The following KIF6 variants were observed in gnomAD, a reference collection of about 807,000 sequenced individuals.
KIF6 encodes kinesin family member 6.
In KIF6, 106 loss-of-function variants were observed where a neutral mutation model predicts 112.7. That is an observed-to-expected ratio of 0.94 (90% CI 0.80 to 1.11). KIF6 has a LOEUF of 1.11. KIF6 is among the 50% of genes least tolerant of loss of function. KIF6 has a pLI of 0.00. For missense variants in KIF6, 929 were observed against 964.0 expected (o/e 0.96, Z 0.48); for synonymous variants, 339 against 339.9 (o/e 1.00, Z 0.03).
intron 3 of KIF6, among the ~76,000 whole-genome samples, chr6:39,702,055 A>C (rs775006384): frequency 1.3e-5 from 2 of 152,222 alleles, no homozygotes; most frequent in Non-Finnish European, 2.9e-5. Flanking sequence ...ATATGAGGGC[A>C]TGTGGAAATG....
chr6:39,611,173 T>C (rs1783195471), intron 6 of KIF6, among the ~76,000 whole-genome samples: 1 of 152,038 alleles, frequency 6.6e-6, no homozygotes, highest in Admixed American at 6.6e-5. Context: ...CCAGGTGTGG[T>C]GGCGCATGAC....
At chr6:39,677,039 A>T (rs1049892516) in intron 3 of KIF6, among the ~76,000 whole-genome samples, 5 of 152,080 alleles carry the variant, frequency 3.3e-5, no homozygotes, top group Non-Finnish European at 7.4e-5. Context: ...TATATATCCC[A>T]CTTAGTGTAA....
At chr6:39,487,303 C>T (rs574063622) in intron 13 of KIF6, among the ~76,000 whole-genome samples, 1 of 152,322 alleles carries the variant, frequency 6.6e-6, no homozygotes, top group East Asian at 1.9e-4. Context: ...GCTGCTGGGA[C>T]TGCTGCTGGC....
intron 3 of KIF6, among the ~76,000 whole-genome samples, chr6:39,713,646 C>T (rs780852351): frequency 1.1e-4 from 16 of 152,082 alleles, no homozygotes; most frequent in African/African-American, 2.2e-4. Context: ...CAAATGATTA[C>T]TAAAAAGAAG....
intron 5 of KIF6, among the ~76,000 whole-genome samples, chr6:39,624,202 G>C (rs1042266386): frequency 6.6e-6 from 1 of 152,160 alleles, no homozygotes. Context: ...GGTGTTTCAT[G>C]TGTATACCCC....
intron 5 of KIF6, among the ~76,000 whole-genome samples, chr6:39,628,256 G>A (rs569654676): frequency 1.3e-5 from 2 of 152,130 alleles, no homozygotes; most frequent in South Asian, 2.1e-4. Context: ...GTGTGTGTGT[G>A]TGTGTGTGTG....
At chr6:39,503,084 A>C (rs916846755) in intron 13 of KIF6, among the ~76,000 whole-genome samples, 1 of 152,124 alleles carries the variant, frequency 6.6e-6, no homozygotes, top group Admixed American at 6.6e-5. Context: ...GATCACATAA[A>C]TTAGAAGTAA....
intron 13 of KIF6, among the ~76,000 whole-genome samples, chr6:39,434,691 GA>G (rs1771406677): frequency 6.6e-6 from 1 of 152,148 alleles, no homozygotes; most frequent in African/African-American, 2.4e-5. Context: ...GCGGGAGAGG[GA>G]GGGAGGGAGG....
intron 16 of KIF6, among the ~76,000 whole-genome samples, chr6:39,376,502 C>T (rs796549791): frequency 3.9e-5 from 6 of 152,306 alleles, no homozygotes; most frequent in African/African-American, 1.4e-4. Flanking sequence ...GATGTAGAAA[C>T]CTGAGCGCAG....
At chr6:39,443,178 G>T (rs991103798) in intron 13 of KIF6, among the ~76,000 whole-genome samples, 5 of 144,994 alleles carry the variant, frequency 3.4e-5, no homozygotes, top group Non-Finnish European at 7.5e-5. Context: ...ATAAAAAAAA[G>T]AAAGAGGCTC....
intron 3 of KIF6, among the ~76,000 whole-genome samples, chr6:39,684,164 G>GA (rs1787705954): frequency 6.6e-6 from 1 of 152,178 alleles, no homozygotes; most frequent in Admixed American, 6.5e-5. Context: ...CTCATGAAGG[G>GA]AGACACAGGA....
At chr6:39,427,283 A>G (rs1306669221) in intron 14 of KIF6, among the ~76,000 whole-genome samples, 1 of 152,182 alleles carries the variant, frequency 6.6e-6, no homozygotes. Flanking sequence ...GGGTTACTGG[A>G]AGGGCATTTC....
At chr6:39,348,500 C>T (rs1200205900) in intron 19 of KIF6, among the ~76,000 whole-genome samples, 3 of 152,148 alleles carry the variant, frequency 2.0e-5, no homozygotes, top group Admixed American at 1.3e-4. Flanking sequence ...TTCCTGGATG[C>T]CACAGCTTGG....
chr6:39,362,433 C>T lies in KIF6; in HGVS notation c.1946+1G>A, dbSNP rs1765232710. 3.7e-6 allele frequency: 6 copies of T among 1,612,474 alleles called. No individual in the cohort carries two copies. Among genetic ancestry groups the T allele is most frequent in the Non-Finnish European group, 5.1e-6 (6 of 1,178,608 alleles). Reference sequence around the variant, plus strand: ...CTGTGTGTGGCTAAAAGGAAGGGCACCTTCTCTTTTCTTCCTCCAGTTGTG... The same window carrying T: ...CTGTGTGTGGCTAAAAGGAAGGGCATCTTCTCTTTTCTTCCTCCAGTTGTG... On this transcript the variant is annotated splice_donor_variant, in intron 17 of 22. Transcript: ENST00000287152. LOFTEE classifies it high-confidence loss of function.
At position 39,343,083 on chromosome 6, in the gene KIF6, G is replaced by T. The variant is rs2113896626; in HGVS notation, c.2428+626C>A. 1.0e-6 allele frequency: 1 copy of T among 985,402 alleles called. No homozygotes were observed. The highest frequency in any genetic ancestry group is 1.7e-5 in the African/African-American group (1 of 57,342). 61.0% of individuals were successfully genotyped at this position (985,402 alleles called of 1,614,324 possible). On this transcript the variant is annotated intron_variant, in intron 22 of 22. Transcript: ENST00000287152. This position sits in a 1 kb window ranked among gnomAD's most constrained non-coding sequence, Gnocchi z 4.1. The stretch of plus-strand genomic sequence containing the variant: ...CCTGTGGGTGTGTTGGGGATGGAAG[G>T]CAGAAAGAGAAAAGGCCCAGCCACA...
intron 7 of KIF6, among the ~76,000 whole-genome samples, chr6:39,590,453 T>TATATATA (rs1781885450): frequency 8.4e-5 from 10 of 119,288 alleles, no homozygotes; most frequent in African/African-American, 3.4e-4. Context: ...ATATATATAT[T>TATATATA]TTTTTTTTTT....
At chr6:39,423,026 C>T (rs1488565846) in intron 14 of KIF6, among the ~76,000 whole-genome samples, 1 of 152,188 alleles carries the variant, frequency 6.6e-6, no homozygotes, top group Non-Finnish European at 1.5e-5. Flanking sequence ...TGATGAGCGC[C>T]CGAGGGTTTC....
chr6:39,395,167 C>T (rs1026490892), intron 15 of KIF6, among the ~76,000 whole-genome samples: 1 of 152,128 alleles, frequency 6.6e-6, no homozygotes, highest in East Asian at 1.9e-4. Context: ...CTTGGGCTAC[C>T]CAAGTAATCA....
At chr6:39,347,783 G>A (rs777809843) in intron 19 of KIF6, among the ~76,000 whole-genome samples, 1 of 152,112 alleles carries the variant, frequency 6.6e-6, no homozygotes, top group Non-Finnish European at 1.5e-5. Context: ...CCCCTTCCCC[G>A]GCTCTGGCCT....
Sources: gnomAD v4.1 joint callset for allele counts (sites outside exome capture counted in the v4.1 genomes callset) on GRCh38, gnomAD v4.1.1 for gene constraint, Gnocchi (gnomAD v3.1) non-coding constraint, MANE v1.5 for transcripts, NCBI Gene and HGNC (gene_info 2026-07-23, HGNC 2026-07-21) for gene names.